The following ADAMTSL3 variants were observed in gnomAD, a reference collection of about 807,000 sequenced individuals.
ADAMTSL3 encodes the protein ADAMTS-like protein 3.
Under a neutral mutation model 201.7 loss-of-function variants are expected in ADAMTSL3, and 128 were observed. The ratio of observed to expected loss-of-function variants is 0.63; its 90% CI spans 0.55 to 0.73. The LOEUF (loss-of-function observed/expected upper bound fraction) is 0.73. Ranked by LOEUF, ADAMTSL3 falls within the 30% of genes least tolerant of loss-of-function variation. The probability of loss-of-function intolerance (pLI) is 0.00; values close to 1 mark genes in which losing one functional copy is unlikely to be tolerated. For synonymous variants in ADAMTSL3, 738 were observed against 748.4 expected, an observed-to-expected ratio of 0.99 and a Z score of 0.23; for missense variants, 1,990 against 2,119.6, an observed-to-expected ratio of 0.94 and a Z score of 1.20.
intron 4 of ADAMTSL3, among the ~76,000 whole-genome samples, chr15:83,792,231 A>T (rs182235591): frequency 1.3e-5 from 2 of 152,244 alleles, no homozygotes; most frequent in Non-Finnish European, 2.9e-5. Context: ...AAAGATATAC[A>T]TAGGATGAAC....
At chr15:83,950,266 C>G (rs542583746) in intron 19 of ADAMTSL3, among the ~76,000 whole-genome samples, 1 of 152,044 alleles carries the variant, frequency 6.6e-6, no homozygotes, top group East Asian at 1.9e-4. Context: ...AGAGATTGTC[C>G]TTTCCCCAAT....
rs1171795462 is a variant in ADAMTSL3 at position 83,983,029 on chromosome 15, C to A, written c.3401C>A (p.Thr1134Lys). 6.2e-7 allele frequency: 1 copy of A among 1,614,042 alleles called. No individual in the cohort carries two copies. Among genetic ancestry groups the A allele is most frequent in the African/African-American group, 1.3e-5 (1 of 74,898 alleles). ...LVAELAKAQP[T>K]HMQWRGIQEE... is the part of the protein sequence containing the mutation. ...GCCGAATTAGCCAAGGCACAGCCAA[C>A]ACACATGCAGTGGCGGGGCATCCAG... is the stretch of plus-strand genomic sequence containing the variant. Residue 1134 changes from threonine to lysine, a missense_variant, in exon 21 of 30, where the codon ACA becomes AAA. By Grantham distance (78) the Thr-to-Lys change is moderately conservative. Coordinates refer to ENST00000286744, the MANE Select transcript of ADAMTSL3 (RefSeq NM_207517.3).
chr15:83,778,912 G>A (rs1035804446), intron 4 of ADAMTSL3, among the ~76,000 whole-genome samples: 2 of 152,124 alleles, frequency 1.3e-5, no homozygotes, highest in African/African-American at 4.8e-5. Flanking sequence ...CAAATAAAGG[G>A]ATGGAGAAAA....
chr15:83,822,574 C>T (rs1203803665), intron 6 of ADAMTSL3, among the ~76,000 whole-genome samples: 17 of 145,096 alleles, frequency 1.2e-4, no homozygotes, highest in Non-Finnish European at 2.4e-4. Flanking sequence ...GGGGCAGAGG[C>T]GCTCCCCACA....
At chr15:83,836,977 C>T (rs781505161) in intron 6 of ADAMTSL3, among the ~76,000 whole-genome samples, 1 of 152,022 alleles carries the variant, frequency 6.6e-6, no homozygotes, top group Non-Finnish European at 1.5e-5. Context: ...TTGTTGTTTA[C>T]ACATTATGTA....
At chr15:83,903,977 C>G (rs1464090902) in intron 15 of ADAMTSL3, among the ~76,000 whole-genome samples, 19 of 132,704 alleles carry the variant, frequency 1.4e-4, no homozygotes, top group South Asian at 5.0e-4. Context: ...AGAAAAGGAG[C>G]TACAGTGAGG....
chr15:83,969,653 A>G (rs539613021), intron 19 of ADAMTSL3, among the ~76,000 whole-genome samples: 79 of 152,354 alleles, frequency 5.2e-4, no homozygotes, highest in Middle Eastern at 6.8e-3. Context: ...GCATGATTCC[A>G]TTACATAAGG....
chr15:83,841,734 G>C (rs2064378364), intron 7 of ADAMTSL3, among the ~76,000 whole-genome samples: 1 of 151,906 alleles, frequency 6.6e-6, no homozygotes, highest in Non-Finnish European at 1.5e-5. Context: ...TGGCCTGGGT[G>C]AGGACAGGGA....
At chr15:83,902,029 G>T (rs184368994) in intron 15 of ADAMTSL3, among the ~76,000 whole-genome samples, 153 of 152,250 alleles carry the variant, frequency 1.0e-3, no homozygotes, top group Middle Eastern at 3.4e-3. Context: ...ATTCTTTCTT[G>T]GCTCCTTCTC....
At chr15:83,830,472 G>A (rs1045458110) in intron 6 of ADAMTSL3, among the ~76,000 whole-genome samples, 4 of 152,156 alleles carry the variant, frequency 2.6e-5, no homozygotes, top group Admixed American at 6.5e-5. Context: ...TAAGAAGGCC[G>A]GTTAGCAGTG....
At chr15:83,779,355 C>G (rs529121352) in intron 4 of ADAMTSL3, among the ~76,000 whole-genome samples, 3 of 151,930 alleles carry the variant, frequency 2.0e-5, no homozygotes, top group East Asian at 1.9e-4. Context: ...ATTGATCACA[C>G]AATTGAAAGT....
intron 2 of ADAMTSL3, among the ~76,000 whole-genome samples, chr15:83,701,412 C>A (rs2061775562): frequency 6.6e-6 from 1 of 152,170 alleles, no homozygotes; most frequent in Non-Finnish European, 1.5e-5. Context: ...AGAGGGTGTC[C>A]TTTCTGACCC....
chr15:83,756,286 A>G (rs2062718188), intron 3 of ADAMTSL3, among the ~76,000 whole-genome samples: 1 of 152,216 alleles, frequency 6.6e-6, no homozygotes, highest in Admixed American at 6.5e-5. Flanking sequence ...TAATTTATAA[A>G]GGAAAGAGGT....
At chr15:83,676,905 C>G (rs976644997) in intron 2 of ADAMTSL3, among the ~76,000 whole-genome samples, 1 of 152,218 alleles carries the variant, frequency 6.6e-6, no homozygotes, top group African/African-American at 2.4e-5. Flanking sequence ...GAACCATGAT[C>G]TTGGACCTCC....
intron 17 of ADAMTSL3, among the ~76,000 whole-genome samples, chr15:83,935,819 G>A (rs1240184377): frequency 1.3e-5 from 2 of 151,998 alleles, no homozygotes; most frequent in African/African-American, 2.4e-5. Flanking sequence ...TTATGCAGCA[G>A]GTGTCAACAA....
chr15:83,858,140 A>G (rs749841554), intron 7 of ADAMTSL3, among the ~76,000 whole-genome samples: 12 of 152,302 alleles, frequency 7.9e-5, no homozygotes, highest in Admixed American at 6.5e-5. Context: ...ACTCAATTCT[A>G]CCTTGAAGAG....
chr15:83,983,304 ACATG>A lies in ADAMTSL3; in HGVS notation c.3677_3680del (p.Thr1226ArgfsTer12). On this transcript the variant is annotated frameshift_variant, in exon 21 of 30. Transcript: ENST00000286744. LOFTEE classifies it high-confidence loss of function. ...TATTACCCCCAGTGAGGCCACATATACATGGACCAAGGATGGAACCTTGTTACAG... is the reference window on the plus strand; with the variant it reads ...TATTACCCCCAGTGAGGCCACATATAGACCAAGGATGGAACCTTGTTACAG... 1 of 1,575,380 alleles carries A rather than the reference ACATG, an allele frequency of 6.3e-7. No homozygotes were observed. Among genetic ancestry groups the A allele is most frequent in the Non-Finnish European group, 8.6e-7 (1 of 1,162,362 alleles).
chr15:83,756,669 T>A (rs573788277), intron 3 of ADAMTSL3, among the ~76,000 whole-genome samples: 1 of 150,848 alleles, frequency 6.6e-6, no homozygotes, highest in Non-Finnish European at 1.5e-5. Context: ...CCCCAAGTCT[T>A]AACTCATTTC....
At chr15:83,862,912 G>A (rs1392286535) in intron 8 of ADAMTSL3, 1 of 152,110 alleles carries the variant, frequency 6.6e-6, no homozygotes, top group Non-Finnish European at 1.5e-5. Context: ...TCAAAATAAA[G>A]GGATGGAGGA....
Sources: gnomAD v4.1 joint callset for allele counts (sites outside exome capture counted in the v4.1 genomes callset) on GRCh38, gnomAD v4.1.1 for gene constraint, MANE v1.5 for transcripts, NCBI Gene and HGNC (gene_info 2026-07-23, HGNC 2026-07-21) for gene names.